Variants in TENT5D observed in about 807,000 individuals in gnomAD.
TENT5D encodes cancer/testis antigen 112.
For missense variants in TENT5D, 191 were observed against 287.0 expected (o/e 0.67, Z 2.42); for synonymous variants, 103 against 100.6 (o/e 1.02, Z -0.15).
At chrX:80,397,405 A>T (rs1264738228) in intron 3 of TENT5D, among the ~76,000 whole-genome samples, 1 of 104,017 alleles carries the variant, frequency 9.6e-6, no homozygotes, top group Non-Finnish European at 2.0e-5. Context: ...CACTTCCTAG[A>T]TGGGATGGCG....
At chrX:80,336,633 T>C (rs1480017174) in intron 2 of TENT5D, among the ~76,000 whole-genome samples, 1 of 110,292 alleles carries the variant, frequency 9.1e-6, no homozygotes, top group Non-Finnish European at 1.9e-5. Flanking sequence ...CCCTGGACTC[T>C]TAGTATTTTT....
chrX:80,342,977 C>T (rs1929989200), intron 3 of TENT5D, among the ~76,000 whole-genome samples: 1 of 109,637 alleles, frequency 9.1e-6, no homozygotes, highest in Admixed American at 9.8e-5. Flanking sequence ...CCATATTCAT[C>T]CTCATTACAA....
chrX:80,444,478 A>G (rs1027094497), exon 3 of TENT5D: 2 of 122,467 alleles, frequency 1.6e-5, no homozygotes, highest in Non-Finnish European at 3.8e-5. Context: ...AAATAAGTTA[A>G]AACGAATGAA....
At chrX:80,340,830 C>G (rs769024524) in intron 2 of TENT5D, among the ~76,000 whole-genome samples, 2 of 111,952 alleles carry the variant, frequency 1.8e-5, no homozygotes, top group South Asian at 3.7e-4. Context: ...CAGAATCACC[C>G]CCAGATAACC....
At chrX:80,441,927 C>A (rs892628363) in intron 2 of TENT5D, among the ~76,000 whole-genome samples, 2 of 110,835 alleles carry the variant, frequency 1.8e-5, no homozygotes, top group African/African-American at 6.5e-5. Flanking sequence ...AAATTAGGTA[C>A]TTTCCTTATT....
At chrX:80,409,652 A>G (rs1195725981) in intron 3 of TENT5D, among the ~76,000 whole-genome samples, 1 of 111,541 alleles carries the variant, frequency 9.0e-6, no homozygotes, top group African/African-American at 3.3e-5. Context: ...AATCAATATC[A>G]TTAAAATGGC....
intron 3 of TENT5D, among the ~76,000 whole-genome samples, chrX:80,370,271 T>TA (rs1166940884): frequency 1.8e-5 from 2 of 110,592 alleles, no homozygotes; most frequent in Non-Finnish European, 3.8e-5. Context: ...AGGAGGCAAA[T>TA]AAAAAAACAG....
At chrX:80,373,734 C>T (rs886626802) in intron 3 of TENT5D, among the ~76,000 whole-genome samples, 1 of 111,423 alleles carries the variant, frequency 9.0e-6, no homozygotes, top group Non-Finnish European at 1.9e-5. Flanking sequence ...TGGCATCTCC[C>T]CATTTTTCTG....
chrX:80,375,615 T>C (rs974226880), intron 3 of TENT5D, among the ~76,000 whole-genome samples: 6 of 111,793 alleles, frequency 5.4e-5, no homozygotes, highest in Admixed American at 9.6e-5. Flanking sequence ...GCTTTTTTTC[T>C]CTTTATTTTC....
intron 3 of TENT5D, among the ~76,000 whole-genome samples, chrX:80,378,318 A>G (rs751735734): frequency 3.6e-5 from 4 of 111,719 alleles, no homozygotes; most frequent in East Asian, 2.8e-4. Flanking sequence ...ACCCATGCCT[A>G]TGTCCTGAAT....
intron 3 of TENT5D, among the ~76,000 whole-genome samples, chrX:80,349,608 G>C (rs879206492): frequency 9.0e-6 from 1 of 110,507 alleles, no homozygotes. Context: ...CAAGCTCCTG[G>C]AATCATTGAT....
At chrX:80,380,397 A>T (rs1930837217) in intron 3 of TENT5D, among the ~76,000 whole-genome samples, 1 of 110,835 alleles carries the variant, frequency 9.0e-6, no homozygotes, top group Non-Finnish European at 1.9e-5. Context: ...TCAGTTTTGG[A>T]ATAAGTGTGA....
At chrX:80,401,587 A>G (rs1931390828) in intron 3 of TENT5D, among the ~76,000 whole-genome samples, 1 of 111,650 alleles carries the variant, frequency 9.0e-6, no homozygotes, top group African/African-American at 3.3e-5. Context: ...CATTCTTTCT[A>G]TACCTAATTT....
At chrX:80,362,578 C>T (rs916844781) in intron 3 of TENT5D, among the ~76,000 whole-genome samples, 21 of 111,775 alleles carry the variant, frequency 1.9e-4, no homozygotes, top group African/African-American at 6.8e-4. Context: ...TGGAGTTTTG[C>T]CCTTTGCTTT....
chrX:80,424,702 A>G (rs977284851), intron 1 of TENT5D, among the ~76,000 whole-genome samples: 1 of 112,787 alleles, frequency 8.9e-6, no homozygotes, highest in African/African-American at 3.2e-5. Context: ...ACAAATTATG[A>G]TAAGATTGTG....
intron 3 of TENT5D, among the ~76,000 whole-genome samples, chrX:80,397,007 G>C (rs759534164): frequency 1.2e-5 from 1 of 84,548 alleles, no homozygotes; most frequent in Non-Finnish European, 2.4e-5. Flanking sequence ...CCTCCCGGAC[G>C]GGGCGTCTGG....
chrX:80,421,035 T>G (rs776873033), intron 1 of TENT5D, among the ~76,000 whole-genome samples: 88 of 112,466 alleles, frequency 7.8e-4, no homozygotes, highest in African/African-American at 2.8e-3. Context: ...ATCAAATGTT[T>G]TTAATTACTA....
chrX:80,409,000 C>A (rs1441730848), intron 3 of TENT5D, among the ~76,000 whole-genome samples: 1 of 111,131 alleles, frequency 9.0e-6, no homozygotes, highest in Non-Finnish European at 1.9e-5. Context: ...ACAAAAACCA[C>A]ATGATTATCT....
intron 3 of TENT5D, among the ~76,000 whole-genome samples, chrX:80,366,560 A>G (rs779093664): frequency 9.0e-6 from 1 of 111,618 alleles, no homozygotes; most frequent in African/African-American, 3.2e-5. Flanking sequence ...TTGAAATAGC[A>G]TAACAAATAA....
Sources: gnomAD v4.1 joint callset for allele counts (sites outside exome capture counted in the v4.1 genomes callset) on GRCh38, gnomAD v4.1.1 for gene constraint, MANE v1.5 for transcripts, NCBI Gene and HGNC (gene_info 2026-07-23, HGNC 2026-07-21) for gene names.